The following SEMA4D variants were observed in gnomAD, a reference collection of about 807,000 sequenced individuals.
The protein encoded by SEMA4D is semaphorin 4D.
Under a neutral mutation model 74.8 loss-of-function variants are expected in SEMA4D, and 22 were observed. The observed-to-expected ratio is 0.29, with a 90% CI of 0.21 to 0.42. The LOEUF (loss-of-function observed/expected upper bound fraction) is 0.42. Among genes scored for constraint, SEMA4D ranks in the 10% least tolerant of loss-of-function variants. The pLI, the probability that SEMA4D is intolerant of heterozygous loss-of-function variation, is 1.00. For missense variants in SEMA4D, 937 were observed against 1,118.4 expected (o/e 0.84, Z 2.31); for synonymous variants, 445 against 463.7 (o/e 0.96, Z 0.52).
chr9:89,438,226 T>TAAGTTTGGA (rs1253967343), intron 2 of SEMA4D, among the ~76,000 whole-genome samples: 6 of 152,230 alleles, frequency 3.9e-5, no homozygotes, highest in African/African-American at 1.4e-4. Context: ...AGGCAAGTTT[T>TAAGTTTGGA]AAGTTTGGAG....
intron 2 of SEMA4D, among the ~76,000 whole-genome samples, chr9:89,447,775 C>T (rs1204697127): frequency 6.6e-6 from 1 of 151,592 alleles, no homozygotes; most frequent in Non-Finnish European, 1.5e-5. Flanking sequence ...CTGCCTCAGC[C>T]CACTGCCCCC....
chr9:89,376,808 A>C, downstream of SEMA4D: 5 of 1,538,602 alleles, frequency 3.2e-6, no homozygotes, highest in Non-Finnish European at 4.4e-6. Flanking sequence ...GACAGGGCAC[A>C]GGGGACAGAG....
At chr9:89,392,587 T>C (rs1466138779) in intron 7 of SEMA4D, 51 bp from the exon 8 acceptor site, 2 of 1,126,528 alleles carry the variant, frequency 1.8e-6, no homozygotes, top group Non-Finnish European at 2.7e-6. Context: ...TCTCAGGCTA[T>C]GGCACCAACA....
intron 1 of SEMA4D, among the ~76,000 whole-genome samples, chr9:89,493,876 C>T (rs917395380): frequency 6.6e-6 from 1 of 152,216 alleles, no homozygotes; most frequent in African/African-American, 2.4e-5. Flanking sequence ...ACCCCTCTGG[C>T]GCAGGCTCCA....
intron 18 of SEMA4D, among the ~76,000 whole-genome samples, chr9:89,363,160 G>A (rs77587866): frequency 0.048 from 7,348 of 152,246 alleles, 232 homozygotes; most frequent in South Asian, 0.096. Flanking sequence ...TAACTAGACA[G>A]CCCCACCTGT....
intron 2 of SEMA4D, among the ~76,000 whole-genome samples, chr9:89,441,782 C>T (rs558878040): frequency 6.6e-6 from 1 of 152,192 alleles, no homozygotes; most frequent in Non-Finnish European, 1.5e-5. Context: ...GGCCCTAACC[C>T]CCCTCCCACA....
At chr9:89,454,052 T>A (rs1381543882) in intron 2 of SEMA4D, among the ~76,000 whole-genome samples, 2 of 151,982 alleles carry the variant, frequency 1.3e-5, no homozygotes, top group Non-Finnish European at 2.9e-5. Context: ...AGAGACAGGG[T>A]TTCACCACGT....
Position 89,391,303 on chromosome 9 carries a change from C to G in SEMA4D, c.735G>C (p.Val245=). The G allele has an allele frequency of 6.2e-7, 1 of 1,614,254 alleles. No homozygotes were observed. The highest frequency in any genetic ancestry group is 8.5e-7 in the Non-Finnish European group (1 of 1,180,046). Residue 245 remains valine, a synonymous_variant, in exon 9 of 16, where the codon GTG becomes GTC. Coordinates refer to ENST00000422704, the MANE Select transcript of SEMA4D (RefSeq NM_001371194.2). ...CTATCCGTGGGATCAGCACCCTGAA[C>G]ACAAACTCATACTCCACAGACACCT... The part of the protein sequence containing the change: ...FTEVSVEYEF[V]FRVLIPRIAR...
chr9:89,407,921 C>T (rs1843658472), intron 2 of SEMA4D, among the ~76,000 whole-genome samples: 1 of 152,254 alleles, frequency 6.6e-6, no homozygotes, highest in Admixed American at 6.5e-5. Flanking sequence ...GAGGCTTTTC[C>T]TCTGTATAAC....
intron 3 of SEMA4D, among the ~76,000 whole-genome samples, chr9:89,403,946 A>T (rs1037984920): frequency 3.3e-5 from 5 of 152,146 alleles, no homozygotes; most frequent in Non-Finnish European, 7.4e-5. Context: ...AAACAAAGAG[A>T]GTCAGGTGTT....
chr9:89,432,816 T>C (rs925265950), intron 2 of SEMA4D, among the ~76,000 whole-genome samples: 3 of 152,226 alleles, frequency 2.0e-5, no homozygotes, highest in Non-Finnish European at 4.4e-5. Flanking sequence ...GTGGGAATCA[T>C]GACGGTCCCT....
chr9:89,425,679 G>A (rs1380367025), intron 2 of SEMA4D, among the ~76,000 whole-genome samples: 1 of 152,196 alleles, frequency 6.6e-6, no homozygotes, highest in East Asian at 1.9e-4. Flanking sequence ...GGCCCCACTG[G>A]CTGTACATCC....
intron 1 of SEMA4D, among the ~76,000 whole-genome samples, chr9:89,481,487 A>C (rs940189410): frequency 6.6e-6 from 1 of 152,242 alleles, no homozygotes; most frequent in Admixed American, 6.5e-5. Context: ...TCCTGAAAGG[A>C]CAATAAAAGG....
chr9:89,413,483 C>T (rs1844978847), intron 2 of SEMA4D, among the ~76,000 whole-genome samples: 1 of 152,216 alleles, frequency 6.6e-6, no homozygotes, highest in South Asian at 2.1e-4. Flanking sequence ...TATGTGCACG[C>T]ATGTGCATCT....
At chr9:89,383,506 G>A (rs1426186936) in intron 13 of SEMA4D, among the ~76,000 whole-genome samples, 1 of 152,210 alleles carries the variant, frequency 6.6e-6, no homozygotes, top group Non-Finnish European at 1.5e-5. Flanking sequence ...GCTGAGGTCA[G>A]GGAGGCAGGA....
At chr9:89,386,248 G>T in intron 13 of SEMA4D, 119 bp downstream of exon 13, 1 of 1,010,122 alleles carries the variant, frequency 9.9e-7, no homozygotes. Context: ...GCTCACCCAG[G>T]GCAGACAGAC....
At chr9:89,490,064 G>A (rs553765556) in intron 1 of SEMA4D, among the ~76,000 whole-genome samples, 23 of 151,122 alleles carry the variant, frequency 1.5e-4, no homozygotes, top group South Asian at 4.2e-4. Flanking sequence ...AGTAGGGTGC[G>A]AGATGGTATC....
At chr9:89,463,393 G>A (rs1857813409) in intron 1 of SEMA4D, among the ~76,000 whole-genome samples, 1 of 152,166 alleles carries the variant, frequency 6.6e-6, no homozygotes, top group Non-Finnish European at 1.5e-5. Flanking sequence ...GCCATCTTTT[G>A]CATGATCCAT....
chr9:89,488,461 C>T (rs1008433214), intron 1 of SEMA4D, among the ~76,000 whole-genome samples: 5 of 149,738 alleles, frequency 3.3e-5, no homozygotes, highest in African/African-American at 1.2e-4. Context: ...CAACCTCCGC[C>T]TCCCAGGTTC....
Sources: gnomAD v4.1 joint callset for allele counts (sites outside exome capture counted in the v4.1 genomes callset) on GRCh38, gnomAD v4.1.1 for gene constraint, MANE v1.5 for transcripts, NCBI Gene and HGNC (gene_info 2026-07-23, HGNC 2026-07-21) for gene names.